Variants in STEAP1 observed in about 807,000 individuals in gnomAD.
STEAP1 encodes the protein STEAP1 protein.
In STEAP1, 30 loss-of-function variants were observed where a neutral mutation model predicts 34.4. That is an observed-to-expected ratio of 0.87 (90% CI 0.65 to 1.18). The LOEUF (loss-of-function observed/expected upper bound fraction) is 1.18, where lower values mean the gene tolerates loss of function less well. Among genes scored for constraint, STEAP1 ranks in the 50% most tolerant of loss-of-function variants. STEAP1 has a pLI of 0.00. For synonymous variants in STEAP1, 116 were observed against 135.3 expected, an observed-to-expected ratio of 0.86 and a Z score of 0.99; for missense variants, 318 against 391.1, an observed-to-expected ratio of 0.81 and a Z score of 1.58.
In STEAP1 at chr7:90,162,299, GTTTTTTTTTTTT is replaced by G; in HGVS notation, c.762+222_762+233del. On this transcript the variant is annotated intron_variant, in intron 4 of 4. Transcript: ENST00000297205. ...AATAAAAGGCATTAAAATATTCTTT[GTTTTTTTTTTTT>G]GTTTGTTTGTTTTTTGTTTGTTTGT... The G allele has an allele frequency of 5.7e-6, 3 of 525,254 alleles. No homozygotes were observed. The African/African-American group carries it at 6.5e-5, about 11-fold the overall frequency. The allele number at this position is 525,254 out of a possible 1,614,324, so 32.5% of individuals were successfully genotyped here. A position where few individuals can be genotyped will look rare whatever the true frequency, so the allele number is the denominator to read the frequency against.
At chr7:90,162,295 C>G in intron 4 of STEAP1, 1 of 665,858 alleles carries the variant, frequency 1.5e-6, no homozygotes, top group Non-Finnish European at 2.1e-6. Context: ...TTAAAATATT[C>G]TTTGTTTTTT....
intron 4 of STEAP1, among the ~76,000 whole-genome samples, chr7:90,163,952 A>T (rs1283646565): frequency 6.6e-6 from 1 of 152,198 alleles, no homozygotes; most frequent in East Asian, 1.9e-4. Context: ...AATCAGAGTG[A>T]ATCACATTAG....
intron 1 of STEAP1, among the ~76,000 whole-genome samples, chr7:90,157,482 G>A (rs1321904645): frequency 6.6e-6 from 1 of 152,132 alleles, no homozygotes. Flanking sequence ...CTGTGCCATC[G>A]CTAAGCCAAT....
In STEAP1 at chr7:90,161,108, T is replaced by C. The variant is rs2115965318; in HGVS notation, c.388T>C (p.Tyr130His). 6.2e-7 allele frequency: 1 copy of C among 1,614,034 alleles called. No homozygotes were observed. Among genetic ancestry groups the C allele is most frequent in the Non-Finnish European group, 8.5e-7 (1 of 1,179,868 alleles). Residue 130 changes from tyrosine to histidine, a missense_variant, in exon 3 of 5, where the codon TAC becomes CAC. Physicochemically the swap from Tyr to His is moderately conservative, Grantham distance 83 (BLOSUM62 2). Transcript: ENST00000297205. ...MVSITLLALV[Y>H]LPGVIAAIVQ... ...TTCCATCACTCTCTTGGCATTGGTTTACCTGCCAGGTGTGATAGCAGCAAT... is the reference window on the plus strand; with the variant it reads ...TTCCATCACTCTCTTGGCATTGGTTCACCTGCCAGGTGTGATAGCAGCAAT...
chr7:90,155,017 T>C (rs1224681273), intron 1 of STEAP1, among the ~76,000 whole-genome samples: 1 of 152,168 alleles, frequency 6.6e-6, no homozygotes, highest in Non-Finnish European at 1.5e-5. Context: ...CCCTACTCTT[T>C]CAGGATCTGG....
At chr7:90,161,880 T>G (rs1794191137) in intron 3 of STEAP1, 34 bp from the exon 4 acceptor site, 2 of 1,575,154 alleles carry the variant, frequency 1.3e-6, no homozygotes, top group Non-Finnish European at 1.7e-6. Context: ...AACTGTTGTT[T>G]GCATTTCTTC....
rs762473249 is a variant in STEAP1 at position 90,164,640 on chromosome 7, TC to T, written c.928del (p.Leu310CysfsTer4). 1.2e-6 allele frequency: 2 copies of T among 1,613,574 alleles called. No homozygotes were observed. Among genetic ancestry groups the T allele is most frequent in the South Asian group, 2.2e-5 (2 of 91,054 alleles). ...GTCCTGATATTTAAAAGCATACTAT[TC>T]CTGCCATGCTTGAGGAAGAAGATAC... ...IVVLIFKSIL[F>X]LPCLRKKILK... On this transcript the variant is annotated frameshift_variant, in exon 5 of 5. Transcript: ENST00000297205. LOFTEE classifies it high-confidence loss of function.
intron 4 of STEAP1, among the ~76,000 whole-genome samples, chr7:90,164,133 A>T (rs1336867594): frequency 1.3e-5 from 2 of 152,230 alleles, no homozygotes; most frequent in Non-Finnish European, 2.9e-5. Flanking sequence ...TGTGATAAGC[A>T]GAATTAAGAC....
At position 90,164,667 on chromosome 7, in the gene STEAP1, T is replaced by C; in HGVS notation, c.953T>C (p.Leu318Pro). The C allele has an allele frequency of 6.2e-7, 1 of 1,613,700 alleles. No homozygotes were observed. The highest frequency in any genetic ancestry group is 1.3e-5 in the African/African-American group (1 of 75,024). The part of the protein sequence containing the change: ...LFLPCLRKKI[L>P]KIRHGWEDVT... The stretch of plus-strand genomic sequence containing the variant: ...CTGCCATGCTTGAGGAAGAAGATAC[T>C]GAAGATTAGACATGGTTGGGAAGAC... Residue 318 changes from leucine (L) to proline (P), a missense_variant, in exon 5 of 5, where the codon CTG (leucine) becomes CCG (proline). Leu to Pro is a moderately conservative substitution (Grantham distance 98). Transcript: ENST00000297205.
chr7:90,161,485 C>T (rs552112657), intron 3 of STEAP1, among the ~76,000 whole-genome samples, 168 bp downstream of exon 3: 5 of 152,140 alleles, frequency 3.3e-5, no homozygotes, highest in Middle Eastern at 3.4e-3. Context: ...GGTTGTCAGT[C>T]GGTTTTATAT....
intron 2 of STEAP1, among the ~76,000 whole-genome samples, chr7:90,160,229 A>G (rs565556248): frequency 6.6e-6 from 1 of 152,232 alleles, no homozygotes; most frequent in African/African-American, 2.4e-5. Context: ...ATCAATGCCC[A>G]TATAACAGTA....
chr7:90,164,789 T>G lies in STEAP1; in HGVS notation c.*55T>G. Reference sequence around the variant, plus strand: ...TATTGATATATTTTATCACCAACATTTCAAGTTTGTATTTGTTAATAAAAT... The same window carrying G: ...TATTGATATATTTTATCACCAACATGTCAAGTTTGTATTTGTTAATAAAAT... On this transcript the variant is annotated 3_prime_UTR_variant, in exon 5 of 5. Coordinates refer to ENST00000297205, the MANE Select transcript of STEAP1 (RefSeq NM_012449.3). 6.8e-7 allele frequency: 1 copy of G among 1,460,504 alleles called. No homozygotes were observed. Among genetic ancestry groups the G allele is most frequent in the Non-Finnish European group, 9.1e-7 (1 of 1,093,376 alleles). The allele number at this position is 1,460,504 out of a possible 1,614,324, so 90.5% of individuals were successfully genotyped here.
Position 90,161,901 on chromosome 7 carries a change from T to C in STEAP1, c.598-13T>C, listed in dbSNP as rs1794191379. On this transcript the variant is annotated splice_polypyrimidine_tract_variant and intron_variant, in intron 3 of 4. Transcript: ENST00000297205. The stretch of plus-strand genomic sequence containing the variant: ...TGTTTGCATTTCTTCTTTCTTTATT[T>C]ACCTTCTGGTAGGTCCAACAAAATA... 1 of 1,584,182 alleles carries C rather than the reference T, an allele frequency of 6.3e-7. No individual in the cohort carries two copies. Among genetic ancestry groups the C allele is most frequent in the Admixed American group, 1.9e-5 (1 of 53,084 alleles).
At chr7:90,156,900 TCTC>T (rs1794125552) in intron 1 of STEAP1, among the ~76,000 whole-genome samples, 1 of 152,164 alleles carries the variant, frequency 6.6e-6, no homozygotes, top group African/African-American at 2.4e-5. Context: ...GCCAATTAAA[TCTC>T]CTTTCTTTAT....
chr7:90,161,354 G>C, intron 3 of STEAP1, 37 bp downstream of exon 3: 1 of 1,560,920 alleles, frequency 6.4e-7, no homozygotes, highest in Non-Finnish European at 8.7e-7. Flanking sequence ...CTAATAAAAA[G>C]TCTAAGTCAC....
chr7:90,161,511 A>G (rs1252986773), intron 3 of STEAP1, among the ~76,000 whole-genome samples, 194 bp downstream of exon 3: 2 of 152,188 alleles, frequency 1.3e-5, no homozygotes, highest in Non-Finnish European at 2.9e-5. Flanking sequence ...AATGTTTTTT[A>G]GGCTGAAAAT....
chr7:90,164,205 GAA>G (rs1794220648), intron 4 of STEAP1, among the ~76,000 whole-genome samples: 2 of 152,174 alleles, frequency 1.3e-5, no homozygotes, highest in Admixed American at 1.3e-4. Context: ...AAATGGTGGA[GAA>G]AGAGTAGACA....
chr7:90,163,974 A>C (rs2115971678), intron 4 of STEAP1, among the ~76,000 whole-genome samples: 1 of 152,296 alleles, frequency 6.6e-6, no homozygotes, highest in East Asian at 1.9e-4. Flanking sequence ...CGCCTTCACA[A>C]CTGATAAAGA....
intron 1 of STEAP1, among the ~76,000 whole-genome samples, chr7:90,157,598 G>A (rs1440219099): frequency 6.6e-6 from 1 of 152,208 alleles, no homozygotes; most frequent in Non-Finnish European, 1.5e-5. Context: ...ACATTGGAGG[G>A]AGGAAGGGCA....
Sources: gnomAD v4.1 joint callset for allele counts (sites outside exome capture counted in the v4.1 genomes callset) on GRCh38, gnomAD v4.1.1 for gene constraint, MANE v1.5 for transcripts, NCBI Gene and HGNC (gene_info 2026-07-23, HGNC 2026-07-21) for gene names.